Variants in DRC11 observed in about 807,000 individuals in gnomAD.
The protein encoded by DRC11 is IQ and AAA domain-containing protein 1.
chr2:236,492,263 C>T, the DRC11 span, among the ~76,000 whole-genome samples: 2,432 of 152,260 alleles, frequency 0.016, 30 homozygotes, highest in Non-Finnish European at 0.023. Context: ...AGTTAGGCTC[C>T]GCAGAATGGG....
the DRC11 span, among the ~76,000 whole-genome samples, chr2:236,459,509 ATACGTATACATGTATACATGTATACG>A: frequency 1.9e-5 from 2 of 105,624 alleles, no homozygotes; most frequent in Admixed American, 2.0e-4. Context: ...ATGTATACGT[ATACGTATACATGTATACATGTATACG>A]TATACGTATA....
chr2:236,490,902 TTGTG>T, the DRC11 span, among the ~76,000 whole-genome samples: 83 of 148,190 alleles, frequency 5.6e-4, no homozygotes, highest in Middle Eastern at 7.0e-3. This position sits in a 1 kb window ranked among gnomAD's most constrained non-coding sequence, Gnocchi z 5.5. Flanking sequence ...GAAGAATATA[TTGTG>T]TGTGTGTGTG....
chr2:236,406,749 A>T, the DRC11 span, among the ~76,000 whole-genome samples: 24 of 143,684 alleles, frequency 1.7e-4, no homozygotes, highest in Admixed American at 7.0e-5. The surrounding 1 kb of genome is among the most constrained non-coding windows in gnomAD (Gnocchi z 4.7). Flanking sequence ...GATCTCCACT[A>T]TTTTTTTTTT....
chr2:236,431,688 C>G, the DRC11 span, among the ~76,000 whole-genome samples: 926 of 152,306 alleles, frequency 6.1e-3, 9 homozygotes, highest in African/African-American at 0.021. This position sits in a 1 kb window ranked among gnomAD's most constrained non-coding sequence, Gnocchi z 4.2. Context: ...TGTCTGGCTT[C>G]TTTCATGTTG....
At chr2:236,357,797 CTATATAAATATAGAA>C in the DRC11 span, among the ~76,000 whole-genome samples, 17 of 115,246 alleles carry the variant, frequency 1.5e-4, no homozygotes, top group East Asian at 2.4e-4. Context: ...TATACATATA[CTATATAAATATAGAA>C]TATATAAATA....
At chr2:236,408,519 C>T in the DRC11 span, 1 of 733,120 alleles carries the variant, frequency 1.4e-6, no homozygotes, top group Non-Finnish European at 2.6e-6. This position sits in a 1 kb window ranked among gnomAD's most constrained non-coding sequence, Gnocchi z 5.5. Context: ...TGCCTCTGTT[C>T]ACCTGGATCT....
chr2:236,392,470 C>T, the DRC11 span: 1 of 555,348 alleles, frequency 1.8e-6, no homozygotes, highest in South Asian at 2.9e-5. The surrounding 1 kb of genome is among the most constrained non-coding windows in gnomAD (Gnocchi z 5.1). Context: ...ATAAGCCTAA[C>T]TTTATATGTT....
At chr2:236,364,472 T>C in the DRC11 span, among the ~76,000 whole-genome samples, 1 of 152,270 alleles carries the variant, frequency 6.6e-6, no homozygotes, top group South Asian at 2.1e-4. Flanking sequence ...AGGATGGAGA[T>C]GCAGGCAGCA....
chr2:236,378,016 T>C, the DRC11 span, among the ~76,000 whole-genome samples: 3 of 152,228 alleles, frequency 2.0e-5, no homozygotes, highest in Admixed American at 1.3e-4. Context: ...GAATTGTAAA[T>C]ACAACTTTAT....
chr2:236,503,662 T>A, the DRC11 span: 1 of 1,550,810 alleles, frequency 6.4e-7, no homozygotes, highest in Non-Finnish European at 8.7e-7. This position sits in a 1 kb window ranked among gnomAD's most constrained non-coding sequence, Gnocchi z 4.9. Flanking sequence ...GACGGCGTCA[T>A]CTCCTTCCAC....
the DRC11 span, among the ~76,000 whole-genome samples, chr2:236,481,211 G>T: frequency 6.6e-6 from 1 of 152,192 alleles, no homozygotes; most frequent in Admixed American, 6.5e-5. Flanking sequence ...GTCTCTGGCT[G>T]CCCTAAAAGG....
At chr2:236,426,561 T>C in the DRC11 span, among the ~76,000 whole-genome samples, 3 of 152,180 alleles carry the variant, frequency 2.0e-5, no homozygotes, top group African/African-American at 4.8e-5. The surrounding 1 kb of genome is among the most constrained non-coding windows in gnomAD (Gnocchi z 4.1). Flanking sequence ...GTTTTCCTTT[T>C]TCTTTTTCAA....
the DRC11 span, among the ~76,000 whole-genome samples, chr2:236,315,844 C>A: frequency 7.0e-4 from 106 of 152,062 alleles, no homozygotes; most frequent in African/African-American, 2.4e-3. The surrounding 1 kb of genome is among the most constrained non-coding windows in gnomAD (Gnocchi z 5.1). Context: ...TGGGGCCTGT[C>A]GGAGGGCGGC....
the DRC11 span, among the ~76,000 whole-genome samples, chr2:236,365,298 A>G: frequency 6.6e-6 from 1 of 152,080 alleles, no homozygotes; most frequent in African/African-American, 2.4e-5. This position sits in a 1 kb window ranked among gnomAD's most constrained non-coding sequence, Gnocchi z 7.4. Context: ...CAGGGAGTTC[A>G]GAGAAGAAAC....
chr2:236,492,297 T>C, the DRC11 span, among the ~76,000 whole-genome samples: 1 of 152,184 alleles, frequency 6.6e-6, no homozygotes, highest in Non-Finnish European at 1.5e-5. Flanking sequence ...AGCAGGTATG[T>C]AAGGGAGAAG....
chr2:236,317,441 G>A, the DRC11 span, among the ~76,000 whole-genome samples: 100 of 152,298 alleles, frequency 6.6e-4, no homozygotes, highest in African/African-American at 2.3e-3. This position sits in a 1 kb window ranked among gnomAD's most constrained non-coding sequence, Gnocchi z 5.4. Context: ...GCTAATGTTG[G>A]CTAGAAGAAG....
chr2:236,417,037 G>C, the DRC11 span, among the ~76,000 whole-genome samples: 9 of 150,610 alleles, frequency 6.0e-5, no homozygotes, highest in Non-Finnish European at 1.2e-4. Context: ...TGGGATTGCA[G>C]GTATGTATTT....
the DRC11 span, among the ~76,000 whole-genome samples, chr2:236,413,075 G>T: frequency 6.6e-6 from 1 of 152,194 alleles, no homozygotes; most frequent in Non-Finnish European, 1.5e-5. The surrounding 1 kb of genome is among the most constrained non-coding windows in gnomAD (Gnocchi z 4.0). Context: ...AGCCTCCCCT[G>T]CCACTCTGGT....
chr2:236,380,722 TG>T, the DRC11 span: 2 of 959,524 alleles, frequency 2.1e-6, no homozygotes, highest in South Asian at 2.8e-5. The surrounding 1 kb of genome is among the most constrained non-coding windows in gnomAD (Gnocchi z 4.9). Context: ...CGTTGTTTTC[TG>T]GGGGTGGTGG....
Sources: allele counts gnomAD v4.1 joint callset (sites outside exome capture counted in the v4.1 genomes callset), GRCh38; gene constraint gnomAD v4.1.1; non-coding constraint Gnocchi (gnomAD v3.1); transcripts MANE v1.5; gene names NCBI Gene and HGNC (gene_info 2026-07-23, HGNC 2026-07-21).